Variants in SOAT1 observed in about 807,000 individuals in gnomAD.
The protein encoded by SOAT1 is sterol O-acyltransferase 1.
In SOAT1, 55 loss-of-function variants were observed where a neutral mutation model predicts 69.5. The observed-to-expected ratio is 0.79, with a 90% CI of 0.64 to 0.99. The LOEUF is 0.99. Ranked by LOEUF, SOAT1 falls within the 50% of genes least tolerant of loss-of-function variation. The probability of loss-of-function intolerance (pLI) is 0.00; values close to 1 mark genes in which losing one functional copy is unlikely to be tolerated. For missense variants in SOAT1, 580 were observed against 669.3 expected, an observed-to-expected ratio of 0.87 and a Z score of 1.47; for synonymous variants, 231 against 224.7, an observed-to-expected ratio of 1.03 and a Z score of -0.25.
At chr1:179,311,555 A>C (rs1325284901) in intron 2 of SOAT1, among the ~76,000 whole-genome samples, 2 of 151,158 alleles carry the variant, frequency 1.3e-5, no homozygotes, top group African/African-American at 2.4e-5. Flanking sequence ...ATGAGGGTTA[A>C]GTGATCTTCA....
At position 179,302,908 on chromosome 1, in the gene SOAT1, A is replaced by G; in HGVS notation, c.118+106A>G. On this transcript the variant is annotated intron_variant, in intron 2 of 15. Coordinates refer to ENST00000367619, the MANE Select transcript of SOAT1 (RefSeq NM_003101.6). ...CTTTAATTCTTTATTGTAAATGGGT[A>G]TTGATAGAGTTTTATATGTCTAGTA... is the stretch of plus-strand genomic sequence containing the variant. 8.5e-6 allele frequency: 5 copies of G among 585,518 alleles called. No individual in the cohort carries two copies. The South Asian group carries it at 1.5e-4, about 17-fold the overall frequency. The allele number at this position is 585,518 out of a possible 1,614,324, so 36.3% of individuals were successfully genotyped here.
chr1:179,297,052 G>GT (rs1558033219), intron 1 of SOAT1, among the ~76,000 whole-genome samples: 1 of 152,172 alleles, frequency 6.6e-6, no homozygotes. Context: ...CTTTGAACAA[G>GT]TTTGTTAGCA....
intron 2 of SOAT1, among the ~76,000 whole-genome samples, chr1:179,322,049 T>A (rs1232431428): frequency 6.6e-6 from 1 of 151,988 alleles, no homozygotes; most frequent in Non-Finnish European, 1.5e-5. Flanking sequence ...GCCTGGCTAA[T>A]TTTAAAACTT....
At chr1:179,338,219 T>A (rs948412900) in intron 5 of SOAT1, among the ~76,000 whole-genome samples, 2 of 152,080 alleles carry the variant, frequency 1.3e-5, no homozygotes, top group Non-Finnish European at 2.9e-5. Context: ...CAAGTCTCTC[T>A]CTACAAAAAA....
Position 179,343,613 on chromosome 1 carries a change from A to G in SOAT1, c.965A>G (p.Tyr322Cys). The G allele has an allele frequency of 1.2e-6, 2 of 1,612,108 alleles. No individual in the cohort carries two copies. Among genetic ancestry groups the G allele is most frequent in the Non-Finnish European group, 1.7e-6 (2 of 1,178,888 alleles). ...YPRNPTVRWG[Y>C]VAMKFAQVFG... ...AGGAATCCCACTGTAAGATGGGGTT[A>G]TGTCGCTATGAAGTTTGCACAGGTA... The change falls in exon 10 of 16, where the codon TAT becomes TGT. Residue 322 changes from tyrosine to cysteine, a missense_variant. Coordinates refer to ENST00000367619, the MANE Select transcript of SOAT1 (RefSeq NM_003101.6).
At chr1:179,329,148 A>G (rs770128810) in intron 3 of SOAT1, among the ~76,000 whole-genome samples, 1 of 152,046 alleles carries the variant, frequency 6.6e-6, no homozygotes, top group Non-Finnish European at 1.5e-5. Context: ...TTGTCCAGCC[A>G]TTAAATGATC....
At chr1:179,305,956 G>A (rs1379510678) in intron 2 of SOAT1, among the ~76,000 whole-genome samples, 1 of 152,212 alleles carries the variant, frequency 6.6e-6, no homozygotes, top group Non-Finnish European at 1.5e-5. Flanking sequence ...GGTTGGGGGA[G>A]CCCTTGCTTT....
chr1:179,340,965 T>A, intron 6 of SOAT1, 63 bp from the exon 7 acceptor site: 1 of 1,487,636 alleles, frequency 6.7e-7, no homozygotes, highest in Non-Finnish European at 9.1e-7. Flanking sequence ...TTTTAAATTC[T>A]GTGAACTCAG....
intron 4 of SOAT1, among the ~76,000 whole-genome samples, chr1:179,336,266 C>T (rs918268830): frequency 6.6e-6 from 1 of 151,486 alleles, no homozygotes; most frequent in Non-Finnish European, 1.5e-5. Context: ...TGTTTGAGAC[C>T]AGCCTGGCCA....
chr1:179,350,722 G>A (rs1011473821), intron 14 of SOAT1, among the ~76,000 whole-genome samples: 4 of 152,116 alleles, frequency 2.6e-5, no homozygotes, highest in African/African-American at 9.7e-5. Context: ...TTTCCCATTC[G>A]TAAACATTGT....
Position 179,302,806 on chromosome 1 carries a change from A to G in SOAT1, c.118+4A>G. On this transcript the variant is annotated splice_donor_region_variant and intron_variant, in intron 2 of 15. Coordinates refer to ENST00000367619, the MANE Select transcript of SOAT1 (RefSeq NM_003101.6). ...TCCCTAGAGACACCTAGTAATGGTG[A>G]GGCTTAATTTTTTTTTTTTAGGTGA... 2 of 1,534,678 alleles carry G rather than the reference A, an allele frequency of 1.3e-6. No homozygotes were observed. The highest frequency in any genetic ancestry group is 1.8e-6 in the Non-Finnish European group (2 of 1,137,782).
intron 11 of SOAT1, among the ~76,000 whole-genome samples, chr1:179,345,417 G>A (rs1412983150): frequency 6.6e-6 from 1 of 152,138 alleles, no homozygotes; most frequent in Admixed American, 6.6e-5. Flanking sequence ...CTAGTAACTT[G>A]TAGAAATTAC....
At chr1:179,329,593 C>T (rs1010262417) in intron 3 of SOAT1, among the ~76,000 whole-genome samples, 1 of 151,314 alleles carries the variant, frequency 6.6e-6, no homozygotes, top group Admixed American at 6.6e-5. Context: ...TGGTGGTATA[C>T]ACCTGTAGTC....
At position 179,355,906 on chromosome 1, in the gene SOAT1, A is replaced by G. The variant is rs1291310333; in HGVS notation, c.*2265A>G. On this transcript the variant is annotated 3_prime_UTR_variant, in exon 16 of 16. Transcript: ENST00000367619. ...ATATGTAGAACTACAGACTGTTTAG[A>G]ATGCTGAGACTGTTCTAAGAAACTT... The G allele has an allele frequency of 6.6e-6, 1 of 152,166 alleles. No individual in the cohort carries two copies. Among genetic ancestry groups the G allele is most frequent in the Non-Finnish European group, 1.5e-5 (1 of 68,034 alleles). 9.4% of individuals were successfully genotyped at this position (152,166 alleles called of 1,614,324 possible).
intron 2 of SOAT1, among the ~76,000 whole-genome samples, chr1:179,312,374 G>A (rs1310922469): frequency 1.3e-5 from 2 of 152,178 alleles, no homozygotes; most frequent in Non-Finnish European, 2.9e-5. Flanking sequence ...TAGTAAGTCC[G>A]TGCTGGTTAA....
In SOAT1 at chr1:179,356,125, G is replaced by A. The variant is rs541576461; in HGVS notation, c.*2484G>A. The A allele has an allele frequency of 2.0e-5, 3 of 152,198 alleles. No homozygotes were observed. The East Asian group carries it at 5.8e-4, about 29-fold the overall frequency. The allele number at this position is 152,198 out of a possible 1,614,324, so 9.4% of individuals were successfully genotyped here. A position where few individuals can be genotyped will look rare whatever the true frequency, so the allele number is the denominator to read the frequency against. ...TTATTTTTTCTATTTTGCTATTGTGGCGAAAATTATTTTCAGTTATAGGAT... is the reference window on the plus strand; with the variant it reads ...TTATTTTTTCTATTTTGCTATTGTGACGAAAATTATTTTCAGTTATAGGAT... On this transcript the variant is annotated 3_prime_UTR_variant, in exon 16 of 16. Transcript: ENST00000367619.
At chr1:179,349,128 C>G (rs1026803678) in intron 13 of SOAT1, among the ~76,000 whole-genome samples, 186 bp downstream of exon 13, 1 of 152,064 alleles carries the variant, frequency 6.6e-6, no homozygotes, top group Non-Finnish European at 1.5e-5. Flanking sequence ...TGCTTAGAAA[C>G]CACTGTGTGT....
At chr1:179,332,956 C>T (rs1404593598) in intron 3 of SOAT1, among the ~76,000 whole-genome samples, 1 of 152,100 alleles carries the variant, frequency 6.6e-6, no homozygotes, top group Non-Finnish European at 1.5e-5. Context: ...TCCTTGTGCC[C>T]CAGTGGCAGC....
At chr1:179,353,455 G>A in intron 15 of SOAT1, 130 bp from the exon 16 acceptor site, 3 of 784,934 alleles carry the variant, frequency 3.8e-6, no homozygotes, top group Non-Finnish European at 6.7e-6. Flanking sequence ...CTTATACCTT[G>A]AGGGTTGTTG....
Sources: gnomAD v4.1 joint callset for allele counts (sites outside exome capture counted in the v4.1 genomes callset) on GRCh38, gnomAD v4.1.1 for gene constraint, MANE v1.5 for transcripts, NCBI Gene and HGNC (gene_info 2026-07-23, HGNC 2026-07-21) for gene names.